The following COG5 variants were observed in gnomAD, a reference collection of about 807,000 sequenced individuals.
COG5 encodes component of oligomeric golgi complex 5.
In COG5, 86 loss-of-function variants were observed where a neutral mutation model predicts 110.4. The observed-to-expected ratio is 0.78, with a 90% confidence interval of 0.65 to 0.93. The LOEUF is 0.93. COG5 is among the 40% of genes least tolerant of loss of function. The probability of loss-of-function intolerance (pLI) is 0.00; values close to 1 mark genes in which losing one functional copy is unlikely to be tolerated. For synonymous variants in COG5, 360 were observed against 334.6 expected, an observed-to-expected ratio of 1.08 and a Z score of -0.83; for missense variants, 1,077 against 987.0, an observed-to-expected ratio of 1.09 and a Z score of -1.22.
intron 11 of COG5, among the ~76,000 whole-genome samples, chr7:107,316,101 T>C (rs1490350598): frequency 1.3e-5 from 2 of 151,966 alleles, no homozygotes; most frequent in Non-Finnish European, 2.9e-5. Context: ...AGAATGAAAA[T>C]GAACACCAAA....
intron 19 of COG5, among the ~76,000 whole-genome samples, chr7:107,215,975 C>T (rs1210825596): frequency 6.6e-6 from 1 of 152,072 alleles, no homozygotes; most frequent in Non-Finnish European, 1.5e-5. Context: ...TCCCAAAGTG[C>T]TGGGATTACA....
At position 107,563,855 on chromosome 7, in the gene COG5, T is replaced by C. The variant is rs1490702712; in HGVS notation, c.42A>G (p.Gly14=). The C allele has an allele frequency of 9.9e-6, 16 of 1,613,452 alleles. No individual in the cohort carries two copies. The Admixed American group carries it at 2.2e-4, about 22-fold the overall frequency. ...GGGSVAVAGL[G]ARGSGAAAAT... ...CTGCAGCCGCTCCAGAGCCTCGAGC[T>C]CCGAGGCCAGCTACAGCGACGCTGC... The change falls in exon 1 of 22, where the codon GGA becomes GGG. Residue 14 remains glycine, a synonymous_variant. Transcript: ENST00000297135.
chr7:107,549,429 TC>T (rs1279892243), intron 3 of COG5, among the ~76,000 whole-genome samples: 1 of 152,160 alleles, frequency 6.6e-6, no homozygotes, highest in Non-Finnish European at 1.5e-5. Flanking sequence ...TCTCGCTCTG[TC>T]GCCCAGGCTG....
chr7:107,381,799 G>A (rs1815145540), intron 7 of COG5, among the ~76,000 whole-genome samples: 1 of 152,142 alleles, frequency 6.6e-6, no homozygotes, highest in South Asian at 2.1e-4. Context: ...TTGGAATATT[G>A]CTGACCTTTG....
chr7:107,542,660 A>G (rs1026264865), intron 5 of COG5, among the ~76,000 whole-genome samples: 4 of 152,208 alleles, frequency 2.6e-5, no homozygotes, highest in Admixed American at 2.0e-4. Context: ...CATATTCTAC[A>G]GCAATAAAAA....
rs770344721 is a variant in COG5 at position 107,288,905 on chromosome 7, G to GAGATAGAT, written c.1314-5174_1314-5173insATCTATCT. Among the ~76,000 whole-genome samples, 4 of 67,294 alleles carry GAGATAGAT rather than the reference G, an allele frequency of 5.9e-5. 1 individual carries two copies. Among genetic ancestry groups the GAGATAGAT allele is most frequent in the East Asian group, 4.4e-4 (1 of 2,296 alleles). The allele number at this position is 67,294 out of a possible 152,430, so 44.1% of individuals were successfully genotyped here. ...AGATTTGCCCCTATGTTTTCTAACA[G>GAGATAGAT]AGATATATATATATATATATATATA... is the stretch of plus-strand genomic sequence containing the variant. On this transcript the variant is annotated intron_variant, in intron 12 of 21. Transcript: ENST00000297135.
chr7:107,419,760 G>A (rs560431454), intron 6 of COG5, among the ~76,000 whole-genome samples: 72 of 152,072 alleles, frequency 4.7e-4, no homozygotes, highest in Middle Eastern at 3.4e-3. Context: ...TAGAGACAGG[G>A]TTTCACCATT....
rs764180413 is a variant in COG5, at chr7:107,412,615, T to C, written c.556A>G (p.Ile186Val). 10 of 1,546,920 alleles carry C rather than the reference T, an allele frequency of 6.5e-6. No individual in the cohort carries two copies. The East Asian group carries it at 1.1e-4, about 17-fold the overall frequency. The change falls in exon 7 of 22, where the codon ATA becomes GTA. Residue 186 changes from isoleucine to valine, a missense_variant. Physicochemically the swap from Ile to Val is conservative, Grantham distance 29. Transcript: ENST00000297135. ...LNELDYLSQG[I>V]DLSGIEVIEN... ...ATCACTTCTATTCCAGAAAGATCTA[T>C]TCCTTGAGAAAGATAATCTGTTTAA...
chr7:107,528,194 C>T lies in COG5; in HGVS notation c.418-837G>A, dbSNP rs1483279545. 2.0e-5 allele frequency among the ~76,000 whole-genome samples: 3 copies of T among 151,832 alleles called. No homozygotes were observed. The East Asian group carries it at 5.8e-4, about 29-fold the overall frequency. On this transcript the variant is annotated intron_variant, in intron 5 of 21. Coordinates refer to ENST00000297135, the MANE Select transcript of COG5 (RefSeq NM_006348.5). ...GCAACCTCTACCTCCTGGGCTCAAG[C>T]GATCCTTCTGCCTCAGCCTCCCAAG... is the stretch of plus-strand genomic sequence containing the variant.
chr7:107,458,146 G>A (rs141248579), intron 6 of COG5, among the ~76,000 whole-genome samples: 2 of 152,258 alleles, frequency 1.3e-5, no homozygotes, highest in East Asian at 3.9e-4. Flanking sequence ...ATTATTGAGT[G>A]AAAGTCAAAA....
At chr7:107,236,816 CATTA>C (rs1801229003) in intron 17 of COG5, 129 bp from the exon 18 acceptor site, 5 of 719,826 alleles carry the variant, frequency 6.9e-6, no homozygotes, top group Non-Finnish European at 1.2e-5. Context: ...GTATAAAAGA[CATTA>C]ATTACTTTTT....
chr7:107,429,197 A>G (rs981199318), intron 6 of COG5, among the ~76,000 whole-genome samples: 10 of 152,232 alleles, frequency 6.6e-5, no homozygotes, highest in Non-Finnish European at 1.5e-4. Context: ...GGGAACAACC[A>G]TATTTTACTT....
At chr7:107,386,118 T>C (rs1563003451) in intron 7 of COG5, among the ~76,000 whole-genome samples, 3 of 151,884 alleles carry the variant, frequency 2.0e-5, no homozygotes, top group African/African-American at 7.3e-5. Flanking sequence ...AGCCTCAGGA[T>C]AGAGTTACAG....
At chr7:107,412,879 A>G (rs954161685) in intron 6 of COG5, among the ~76,000 whole-genome samples, 1 of 152,328 alleles carries the variant, frequency 6.6e-6, no homozygotes, top group East Asian at 1.9e-4. Flanking sequence ...GATGATTATT[A>G]CAAGTTTAAG....
intron 6 of COG5, among the ~76,000 whole-genome samples, chr7:107,462,051 A>C (rs1796023574): frequency 6.6e-6 from 1 of 152,194 alleles, no homozygotes; most frequent in Non-Finnish European, 1.5e-5. Context: ...TCACACTGTA[A>C]CTACAAAAAA....
intron 17 of COG5, among the ~76,000 whole-genome samples, chr7:107,245,634 C>T (rs936568178): frequency 3.3e-5 from 5 of 152,072 alleles, no homozygotes; most frequent in African/African-American, 4.8e-5. Context: ...AAGAATAAAA[C>T]ATCTAGGAAT....
intron 14 of COG5, among the ~76,000 whole-genome samples, chr7:107,275,984 C>T (rs1302480689): frequency 6.6e-6 from 1 of 152,070 alleles, no homozygotes; most frequent in Non-Finnish European, 1.5e-5. Flanking sequence ...TTTACAAAGC[C>T]TTAAAATAAA....
At chr7:107,498,972 A>C (rs933688932) in intron 6 of COG5, among the ~76,000 whole-genome samples, 2 of 152,196 alleles carry the variant, frequency 1.3e-5, no homozygotes, top group African/African-American at 4.8e-5. Flanking sequence ...GACTTAAACA[A>C]GAAAGAAATC....
intron 7 of COG5, among the ~76,000 whole-genome samples, chr7:107,373,787 C>T (rs558200289): frequency 1.2e-3 from 190 of 152,194 alleles, no homozygotes; most frequent in African/African-American, 4.4e-3. Flanking sequence ...AATCCTCTCA[C>T]GCATTAGTAA....
Sources: gnomAD v4.1 joint callset for allele counts (sites outside exome capture counted in the v4.1 genomes callset) on GRCh38, gnomAD v4.1.1 for gene constraint, MANE v1.5 for transcripts, NCBI Gene and HGNC (gene_info 2026-07-23, HGNC 2026-07-21) for gene names.